Variants in HSPA12A observed in about 807,000 individuals in gnomAD.
HSPA12A encodes heat shock protein family A (Hsp70) member 12A, also known as heat shock 70 kDa protein 12A.
A neutral mutation model predicts 69.2 loss-of-function variants in HSPA12A; 28 were observed. The ratio of observed to expected loss-of-function variants is 0.40; its 90% confidence interval spans 0.30 to 0.55. HSPA12A has a LOEUF of 0.55. HSPA12A is among the 20% of genes least tolerant of loss of function. The pLI is 0.38. For synonymous variants in HSPA12A, 345 were observed against 370.5 expected, an observed-to-expected ratio of 0.93 and a Z score of 0.79; for missense variants, 686 against 900.7, an observed-to-expected ratio of 0.76 and a Z score of 3.05.
chr10:116,845,550 T>G (rs986936174), intron 1 of HSPA12A, among the ~76,000 whole-genome samples: 2 of 152,106 alleles, frequency 1.3e-5, no homozygotes, highest in African/African-American at 4.8e-5. Context: ...GAGAGTACAG[T>G]CCTACCCTCT....
chr10:116,707,391 C>A, intron 1 of HSPA12A, 106 bp from the exon 2 acceptor site: 1 of 858,534 alleles, frequency 1.2e-6, no homozygotes, highest in Admixed American at 2.1e-5. Context: ...GCGGCCTCTG[C>A]AAAGCCAGCT....
At position 116,683,975 on chromosome 10, in the gene HSPA12A, AAC is replaced by A; in HGVS notation, c.664-15_664-14del. 1.9e-6 allele frequency: 3 copies of A among 1,551,314 alleles called. No individual in the cohort carries two copies. The highest frequency in any genetic ancestry group is 2.6e-6 in the Non-Finnish European group (3 of 1,140,024). ...AGGCCAGGCCTGCCTGGAAGACAGA[AAC>A]AGAGGCTGGGACCCAGGGCCCCCTG... On this transcript the variant is annotated splice_polypyrimidine_tract_variant and intron_variant, in intron 6 of 11. Transcript: ENST00000369209.
upstream of HSPA12A, chr10:116,850,216 C>T: frequency 4.5e-6 from 1 of 223,412 alleles, no homozygotes; most frequent in Non-Finnish European, 9.1e-6. Flanking sequence ...GGCTCCTCTG[C>T]CGGGATGCCA....
At chr10:116,678,410 G>A (rs1397021651) in intron 10 of HSPA12A, among the ~76,000 whole-genome samples, 4 of 143,180 alleles carry the variant, frequency 2.8e-5, no homozygotes, top group African/African-American at 1.0e-4. Flanking sequence ...CACCACGGAC[G>A]TGAGATGAGC....
chr10:116,695,988 G>C (rs1431224759), intron 5 of HSPA12A, among the ~76,000 whole-genome samples: 1 of 65,306 alleles, frequency 1.5e-5, no homozygotes, highest in Non-Finnish European at 2.7e-5. Context: ...GGGCAACAGA[G>C]AGAGACTCCA....
At chr10:116,739,777 A>G (rs1447123344) in intron 1 of HSPA12A, among the ~76,000 whole-genome samples, 1 of 152,160 alleles carries the variant, frequency 6.6e-6, no homozygotes, top group Non-Finnish European at 1.5e-5. Flanking sequence ...GAAAATTTGC[A>G]AACATACACA....
chr10:116,787,267 G>C (rs904875220), intron 2 of HSPA12A, among the ~76,000 whole-genome samples: 1 of 151,946 alleles, frequency 6.6e-6, no homozygotes, highest in Non-Finnish European at 1.5e-5. Flanking sequence ...TCTACCCTCT[G>C]ACCAGCAATT....
intron 1 of HSPA12A, among the ~76,000 whole-genome samples, chr10:116,835,767 GA>G (rs1564835744): frequency 1.3e-5 from 2 of 152,178 alleles, no homozygotes; most frequent in African/African-American, 4.8e-5. Context: ...CACTTGTGCC[GA>G]AAGCAGTCAG....
At chr10:116,817,833 A>G (rs1321968868) in intron 2 of HSPA12A, among the ~76,000 whole-genome samples, 1 of 152,098 alleles carries the variant, frequency 6.6e-6, no homozygotes, top group Non-Finnish European at 1.5e-5. Context: ...AGATGATACA[A>G]GACCATCTCA....
At chr10:116,735,282 G>C (rs1554886350) in intron 1 of HSPA12A, among the ~76,000 whole-genome samples, 1 of 152,242 alleles carries the variant, frequency 6.6e-6, no homozygotes, top group Non-Finnish European at 1.5e-5. Flanking sequence ...AACTCTGTTA[G>C]ATTAAAAATA....
In HSPA12A at chr10:116,723,761, C is replaced by T. The variant is rs1469442945; in HGVS notation, c.41-16476G>A. On this transcript the variant is annotated intron_variant, in intron 1 of 11. Transcript: ENST00000369209. The surrounding 1 kb of genome is among the most constrained non-coding windows in gnomAD (Gnocchi z 4.1). Reference sequence around the variant, plus strand: ...TAAGCCTCAGGTGGGACCAGCAGCCCTGCTCCTGCAGTCAGCCTCTCCACC... The same window carrying T: ...TAAGCCTCAGGTGGGACCAGCAGCCTTGCTCCTGCAGTCAGCCTCTCCACC... Among the ~76,000 whole-genome samples the T allele has an allele frequency of 6.6e-6, 1 of 152,218 alleles. No homozygotes were observed. Among genetic ancestry groups the T allele is most frequent in the African/African-American group, 2.4e-5 (1 of 41,464 alleles).
chr10:116,684,014 TC>T (rs782094910), intron 6 of HSPA12A, 52 bp from the exon 7 acceptor site: 1 of 1,456,744 alleles, frequency 6.9e-7, no homozygotes, highest in Non-Finnish European at 9.2e-7. Context: ...GCCGGCCTGC[TC>T]CTAGGACACC....
intron 1 of HSPA12A, chr10:116,849,442 G>C (rs1429495740): frequency 9.9e-6 from 13 of 1,318,492 alleles, no homozygotes. Flanking sequence ...TTTTACCGCA[G>C]GAAGAACCTA....
At chr10:116,720,581 T>C (rs1471242835) in intron 1 of HSPA12A, among the ~76,000 whole-genome samples, 2 of 152,258 alleles carry the variant, frequency 1.3e-5, no homozygotes, top group African/African-American at 4.8e-5. Flanking sequence ...GCTGACTTGC[T>C]GGTGCTTCCC....
At position 116,674,780 on chromosome 10, in the gene HSPA12A, G is replaced by A. The variant is rs374089208; in HGVS notation, c.*1C>T. 1 of 1,602,664 alleles carries A rather than the reference G, an allele frequency of 6.2e-7. No individual in the cohort carries two copies. The highest frequency in any genetic ancestry group is 1.3e-5 in the African/African-American group (1 of 74,746). On this transcript the variant is annotated 3_prime_UTR_variant, in exon 12 of 12. Transcript: ENST00000369209. ...AGGGGACAGGCAGCGGGGCGGGAGG[G>A]TTAGTAATTTAAGAAGTCGATCCCA...
At chr10:116,804,643 A>G (rs573963083) in intron 2 of HSPA12A, among the ~76,000 whole-genome samples, 15 of 152,104 alleles carry the variant, frequency 9.9e-5, no homozygotes, top group Non-Finnish European at 1.9e-4. Context: ...AATCAAGTGC[A>G]TGTGTAGGTG....
chr10:116,792,442 C>G (rs1463026695), intron 2 of HSPA12A, among the ~76,000 whole-genome samples: 1 of 151,526 alleles, frequency 6.6e-6, no homozygotes, highest in Admixed American at 6.6e-5. Context: ...TAACTATCAA[C>G]CCCTGGATTC....
chr10:116,723,308 G>A lies in HSPA12A; in HGVS notation c.41-16023C>T, dbSNP rs868917837. ...CTGCCATCCCTCAGGCCTGGCTTGTGCACTGGCTGTCTGCAGGGAGAGAGG... is the reference window on the plus strand; with the variant it reads ...CTGCCATCCCTCAGGCCTGGCTTGTACACTGGCTGTCTGCAGGGAGAGAGG... On this transcript the variant is annotated intron_variant, in intron 1 of 11. Transcript: ENST00000369209. This position sits in a 1 kb window ranked among gnomAD's most constrained non-coding sequence, Gnocchi z 4.1. 1.6e-4 allele frequency among the ~76,000 whole-genome samples: 24 copies of A among 152,130 alleles called. No homozygotes were observed. Among genetic ancestry groups the A allele is most frequent in the South Asian group, 2.1e-4 (1 of 4,816 alleles).
At chr10:116,763,994 G>C (rs187226138) in intron 2 of HSPA12A, among the ~76,000 whole-genome samples, 14 of 152,156 alleles carry the variant, frequency 9.2e-5, no homozygotes, top group African/African-American at 2.4e-4. Context: ...GCAACCTTTG[G>C]GGGGGTGTTC....
Sources: allele counts gnomAD v4.1 joint callset (sites outside exome capture counted in the v4.1 genomes callset), GRCh38; gene constraint gnomAD v4.1.1; non-coding constraint Gnocchi (gnomAD v3.1); transcripts MANE v1.5; gene names NCBI Gene and HGNC (gene_info 2026-07-23, HGNC 2026-07-21).